The following TMTC2 variants were observed in gnomAD, a reference collection of about 807,000 sequenced individuals.
TMTC2 encodes the protein transmembrane O-mannosyltransferase targeting cadherins 2, also known as protein O-mannosyl-transferase TMTC2.
A neutral mutation model predicts 82.4 loss-of-function variants in TMTC2; 43 were observed. That is an observed-to-expected ratio of 0.52 (90% CI 0.41 to 0.67). The LOEUF is 0.67. Among genes scored for constraint, TMTC2 ranks in the 30% least tolerant of loss-of-function variants. The pLI is 0.00. For synonymous variants in TMTC2, 408 were observed against 381.9 expected (o/e 1.07, Z -0.80); for missense variants, 919 against 1,012.4 (o/e 0.91, Z 1.25).
chr12:82,987,197 G>C (rs1198422905), intron 8 of TMTC2, among the ~76,000 whole-genome samples: 1 of 151,914 alleles, frequency 6.6e-6, no homozygotes, highest in African/African-American at 2.4e-5. Flanking sequence ...GCCGAGGCAG[G>C]CAGATCACCT....
intron 1 of TMTC2, among the ~76,000 whole-genome samples, chr12:82,747,059 C>G (rs1359017157): frequency 6.6e-6 from 1 of 152,180 alleles, no homozygotes; most frequent in Non-Finnish European, 1.5e-5. Flanking sequence ...GCAAGAGAAC[C>G]CACCTGAGTT....
At chr12:82,966,507 C>T (rs1225838609) in intron 6 of TMTC2, among the ~76,000 whole-genome samples, 1 of 152,068 alleles carries the variant, frequency 6.6e-6, no homozygotes, top group Non-Finnish European at 1.5e-5. Flanking sequence ...GTTTCAAGAG[C>T]TGGAAGATTT....
chr12:83,070,435 A>AT lies in TMTC2; in HGVS notation c.2331+8615dup, dbSNP rs545783619. 5.6e-3 allele frequency among the ~76,000 whole-genome samples: 809 copies of AT among 144,506 alleles called. 4 individuals carry two copies. Among genetic ancestry groups the AT allele is most frequent in the East Asian group, 8.3e-3 (41 of 4,934 alleles). The allele number at this position is 144,506 out of a possible 152,430, so 94.8% of individuals were successfully genotyped here. A position where few individuals can be genotyped will look rare whatever the true frequency, so the allele number is the denominator to read the frequency against. ...TAGATGTATTCCTAAGTATTTTATT[A>AT]TTTTTTTTTTTGCAGCTATTGTAAA... On this transcript the variant is annotated intron_variant, in intron 11 of 11. Transcript: ENST00000321196.
At chr12:83,034,425 G>A (rs1225147894) in intron 9 of TMTC2, among the ~76,000 whole-genome samples, 1 of 152,170 alleles carries the variant, frequency 6.6e-6, no homozygotes, top group East Asian at 1.9e-4. Context: ...GGGAGGAAGG[G>A]AGGCCACAGA....
chr12:82,701,161 C>T (rs949705309), intron 1 of TMTC2, among the ~76,000 whole-genome samples: 1 of 152,052 alleles, frequency 6.6e-6, no homozygotes, highest in Admixed American at 6.6e-5. Context: ...TGATTTTTTA[C>T]CGTATTGTAA....
intron 7 of TMTC2, among the ~76,000 whole-genome samples, chr12:82,985,639 G>A (rs1879121611): frequency 6.6e-6 from 1 of 152,066 alleles, no homozygotes; most frequent in South Asian, 2.1e-4. Flanking sequence ...GATGATAAAG[G>A]ACATATGTCT....
chr12:82,873,700 G>A (rs987476664), intron 2 of TMTC2, among the ~76,000 whole-genome samples: 1 of 152,092 alleles, frequency 6.6e-6, no homozygotes, highest in African/African-American at 2.4e-5. Context: ...ATATGCAACA[G>A]GAATTAGGTT....
chr12:82,839,064 A>G (rs753546361), intron 1 of TMTC2, among the ~76,000 whole-genome samples: 1 of 152,200 alleles, frequency 6.6e-6, no homozygotes, highest in Non-Finnish European at 1.5e-5. Context: ...GCAGAGTGCC[A>G]GTTCACTGGA....
At chr12:82,766,868 G>T (rs111921722) in intron 1 of TMTC2, among the ~76,000 whole-genome samples, 1 of 151,958 alleles carries the variant, frequency 6.6e-6, no homozygotes, top group Non-Finnish European at 1.5e-5. Context: ...GCATGATCTC[G>T]GCTCACTGCA....
chr12:82,712,648 A>G lies in TMTC2; in HGVS notation c.83+24979A>G, dbSNP rs549239018. Among the ~76,000 whole-genome samples, 332 of 152,246 alleles carry G rather than the reference A, an allele frequency of 2.2e-3. 4 individuals are homozygous for G. The highest frequency in any genetic ancestry group is 7.4e-3 in the African/African-American group (309 of 41,568). ...TGGGAGGCTGGAGTCTGGCTCACAC[A>G]TTCAGAACATTTGCAGGTTACTGAG... On this transcript the variant is annotated intron_variant, in intron 1 of 11. Transcript: ENST00000321196.
At chr12:83,055,054 T>C (rs1245559758) in intron 10 of TMTC2, among the ~76,000 whole-genome samples, 1 of 151,984 alleles carries the variant, frequency 6.6e-6, no homozygotes, top group Non-Finnish European at 1.5e-5. Flanking sequence ...TCCCTTGGGC[T>C]CAGCAGCTTT....
At chr12:83,117,896 T>TTTTATTTATTTATTTA (rs3069105) in intron 11 of TMTC2, among the ~76,000 whole-genome samples, 218 of 149,068 alleles carry the variant, frequency 1.5e-3, no homozygotes, top group South Asian at 0.01. Context: ...TTCCTAAGTA[T>TTTTATTTATTTATTTA]TTTATTTATT....
At chr12:82,773,177 A>G (rs10862504) in intron 1 of TMTC2, among the ~76,000 whole-genome samples, 23,072 of 151,970 alleles carry the variant, frequency 0.15, 2,003 homozygotes, top group African/African-American at 0.24. Context: ...GTTATTCCTG[A>G]GTTAGTTATA....
rs968866966 is a variant in TMTC2, at chr12:83,055,208, G to A, written c.2267+4190G>A. On this transcript the variant is annotated intron_variant, in intron 10 of 11. Coordinates refer to ENST00000321196, the MANE Select transcript of TMTC2 (RefSeq NM_152588.3). ...CCATTCTCTTGAGATTGCATCTGAT[G>A]AGTGGAAACTGAGTCCTGTGCTAAA... Among the ~76,000 whole-genome samples, 3 of 152,160 alleles carry A rather than the reference G, an allele frequency of 2.0e-5. No individual in the cohort carries two copies. In the South Asian group the frequency reaches 6.2e-4, roughly 32 times the overall value.
rs77389292 is a variant in TMTC2 at position 82,781,803 on chromosome 12, G to A, written c.84-75207G>A. On this transcript the variant is annotated intron_variant, in intron 1 of 11. Coordinates refer to ENST00000321196, the MANE Select transcript of TMTC2 (RefSeq NM_152588.3). ...TAGGCTGCTTCTCTAATTTGCATGG[G>A]TACCTTGGGCATTGTCCTGAGGGGC... is the stretch of plus-strand genomic sequence containing the variant. 8.7e-3 allele frequency among the ~76,000 whole-genome samples: 1,318 copies of A among 151,186 alleles called. 19 individuals carry two copies. The highest frequency in any genetic ancestry group is 0.012 in the Non-Finnish European group (805 of 67,832).
At chr12:82,767,833 C>G (rs11115388) in intron 1 of TMTC2, among the ~76,000 whole-genome samples, 26,705 of 152,064 alleles carry the variant, frequency 0.18, 2,468 homozygotes, top group Middle Eastern at 0.35. Flanking sequence ...AAACCATTTC[C>G]TTAAAGAAAC....
At chr12:82,890,420 C>T (rs1349405870) in intron 2 of TMTC2, among the ~76,000 whole-genome samples, 3 of 152,022 alleles carry the variant, frequency 2.0e-5, no homozygotes, top group African/African-American at 7.2e-5. Flanking sequence ...TCTTATTGTA[C>T]TAAGAATTCA....
At chr12:82,699,733 C>T (rs1364727002) in intron 1 of TMTC2, among the ~76,000 whole-genome samples, 1 of 152,034 alleles carries the variant, frequency 6.6e-6, no homozygotes, top group Non-Finnish European at 1.5e-5. Flanking sequence ...AAATGTCTTT[C>T]AGAGTTTTTC....
At chr12:82,713,107 G>T (rs574808642) in intron 1 of TMTC2, among the ~76,000 whole-genome samples, 1 of 152,114 alleles carries the variant, frequency 6.6e-6, no homozygotes, top group Admixed American at 6.6e-5. Context: ...ATCATCTGAG[G>T]TCAGGGGTTC....
Sources: allele counts gnomAD v4.1 joint callset (sites outside exome capture counted in the v4.1 genomes callset), GRCh38; gene constraint gnomAD v4.1.1; transcripts MANE v1.5; gene names NCBI Gene and HGNC (gene_info 2026-07-23, HGNC 2026-07-21).